ANKH: variants seen among roughly 807,000 people sequenced by gnomAD.
ANKH encodes ANKH inorganic pyrophosphate transport regulator.
A neutral mutation model predicts 49.0 loss-of-function variants in ANKH; 15 were observed. The observed-to-expected ratio is 0.31, with a 90% CI of 0.20 to 0.47. ANKH has a LOEUF of 0.47. Among genes scored for constraint, ANKH ranks in the 20% least tolerant of loss-of-function variants. The pLI is 1.00. For synonymous variants in ANKH, 273 were observed against 260.0 expected (o/e 1.05, Z -0.48); for missense variants, 429 against 652.0 (o/e 0.66, Z 3.72).
intron 1 of ANKH, 109 bp from the exon 2 acceptor site, chr5:14,769,300 G>T: frequency 1.1e-6 from 1 of 891,930 alleles, no homozygotes; most frequent in Admixed American, 2.0e-5. Flanking sequence ...GAAACACTAA[G>T]TAGCTTATAG....
rs1735839056 is a variant in ANKH, at chr5:14,871,752, T to A, written c.-305A>T. Reference sequence around the variant, plus strand: ...CGGCGGCGGCGGCAGAAGGTTCTGCTGACAGCGGCTCCATTATAAGCGCTC... The same window carrying A: ...CGGCGGCGGCGGCAGAAGGTTCTGCAGACAGCGGCTCCATTATAAGCGCTC... On this transcript the variant is annotated 5_prime_UTR_variant, in exon 1 of 12. Coordinates refer to ENST00000284268, the MANE Select transcript of ANKH (RefSeq NM_054027.6). The A allele has an allele frequency of 6.8e-6, 1 of 147,810 alleles. No homozygotes were observed. Among genetic ancestry groups the A allele is most frequent in the Non-Finnish European group, 1.4e-5 (1 of 70,164 alleles). 9.2% of individuals were successfully genotyped at this position (147,810 alleles called of 1,614,324 possible).
chr5:14,764,074 C>A (rs867116708), intron 2 of ANKH, among the ~76,000 whole-genome samples: 3,317 of 52,866 alleles, frequency 0.063, 143 homozygotes, highest in African/African-American at 0.21. Context: ...GGTGACAGAA[C>A]GGAAAATAAA....
intron 1 of ANKH, among the ~76,000 whole-genome samples, chr5:14,854,969 G>A (rs1186973399): frequency 6.6e-6 from 1 of 152,082 alleles, no homozygotes; most frequent in Non-Finnish European, 1.5e-5. Flanking sequence ...TACTAAGAAA[G>A]CTCTCCAATG....
rs899760744 is a variant in ANKH, at chr5:14,725,809, GA to G, written c.1012-8975del. The stretch of plus-strand genomic sequence containing the variant: ...TTGCCAGGCTGGAGTGCAGTGGCAC[GA>G]TCTTGGCTCACTGCAATCTCCGCTT... On this transcript the variant is annotated intron_variant, in intron 8 of 11. Coordinates refer to ENST00000284268, the MANE Select transcript of ANKH (RefSeq NM_054027.6). This position sits in a 1 kb window ranked among gnomAD's most constrained non-coding sequence, Gnocchi z 4.0. Among the ~76,000 whole-genome samples, 17 of 152,270 alleles carry G rather than the reference GA, an allele frequency of 1.1e-4. 1 individual carries two copies. Among genetic ancestry groups the G allele is most frequent in the Admixed American group, 1.0e-3 (16 of 15,294 alleles).
intron 1 of ANKH, among the ~76,000 whole-genome samples, chr5:14,802,286 T>C (rs909705031): frequency 1.3e-5 from 2 of 152,054 alleles, no homozygotes; most frequent in Admixed American, 1.3e-4. Context: ...GCATTATCTC[T>C]GATGCTTCTC....
intron 1 of ANKH, among the ~76,000 whole-genome samples, chr5:14,777,019 C>T (rs534377885): frequency 2.7e-4 from 41 of 152,294 alleles, no homozygotes; most frequent in African/African-American, 8.7e-4. Flanking sequence ...CAGTGGCTCA[C>T]GCCTGTAATC....
rs153934 is a variant in ANKH at position 14,725,642 on chromosome 5, T to C, written c.1012-8807A>G. Reference sequence around the variant, plus strand: ...CTGGGACCGTATTCTAACAAAACGCTAGCAGGGGAGTCCTCTGGAGGTGGT... The same window carrying C: ...CTGGGACCGTATTCTAACAAAACGCCAGCAGGGGAGTCCTCTGGAGGTGGT... On this transcript the variant is annotated intron_variant, in intron 8 of 11. Coordinates refer to ENST00000284268, the MANE Select transcript of ANKH (RefSeq NM_054027.6). The surrounding 1 kb of genome is among the most constrained non-coding windows in gnomAD (Gnocchi z 4.0). 0.093 allele frequency among the ~76,000 whole-genome samples: 14,183 copies of C among 152,292 alleles called. 1,120 individuals carry two copies. The highest frequency in any genetic ancestry group is 0.21 in the African/African-American group (8,784 of 41,550).
At chr5:14,784,915 G>T (rs1173833864) in intron 1 of ANKH, among the ~76,000 whole-genome samples, 1 of 46,198 alleles carries the variant, frequency 2.2e-5, no homozygotes, top group Non-Finnish European at 5.0e-5. Context: ...TCTGGACAGA[G>T]GAATATTTGA....
At chr5:14,810,576 T>C (rs1384065857) in intron 1 of ANKH, among the ~76,000 whole-genome samples, 2 of 152,228 alleles carry the variant, frequency 1.3e-5, no homozygotes, top group African/African-American at 4.8e-5. Context: ...GAGTTTAAAG[T>C]ACCCAAGTGA....
intron 8 of ANKH, among the ~76,000 whole-genome samples, chr5:14,739,620 C>G (rs545964691): frequency 6.6e-6 from 1 of 152,270 alleles, no homozygotes; most frequent in South Asian, 2.1e-4. Flanking sequence ...GGCAAGCGCC[C>G]CAATCTGGAG....
intron 1 of ANKH, among the ~76,000 whole-genome samples, chr5:14,805,340 C>G (rs193122519): frequency 1.3e-5 from 2 of 149,998 alleles, no homozygotes; most frequent in Non-Finnish European, 3.0e-5. Flanking sequence ...ACTTTGTGAT[C>G]GTGTAAGTTA....
intron 6 of ANKH, 51 bp downstream of exon 6, chr5:14,749,121 C>A (rs542764459): frequency 1.3e-4 from 210 of 1,613,196 alleles, no homozygotes; most frequent in East Asian, 3.6e-4. Context: ...TCAGCACCCC[C>A]CTGCCCCACC....
chr5:14,792,562 C>A (rs1401117987), intron 1 of ANKH, among the ~76,000 whole-genome samples: 1 of 152,140 alleles, frequency 6.6e-6, no homozygotes, highest in Non-Finnish European at 1.5e-5. Flanking sequence ...GGCTGATGAA[C>A]ACTGATGAAA....
At chr5:14,866,066 GTGCGGTCTCAGCTCAC>G (rs1735635182) in intron 1 of ANKH, among the ~76,000 whole-genome samples, 1 of 152,230 alleles carries the variant, frequency 6.6e-6, no homozygotes, top group African/African-American at 2.4e-5. Context: ...GAGGTATTCA[GTGCGGTCTCAGCTCAC>G]TGCAACCTCC....
At chr5:14,793,059 AAATATATATAAATATAT>A (rs1740248704) in intron 1 of ANKH, among the ~76,000 whole-genome samples, 1 of 26,874 alleles carries the variant, frequency 3.7e-5, no homozygotes, top group African/African-American at 1.1e-4. Context: ...AATATATATA[AAATATATATAAATATAT>A]AAAAATATAT....
intron 1 of ANKH, among the ~76,000 whole-genome samples, chr5:14,858,758 TAAAATA>T (rs869202098): frequency 3.8e-4 from 27 of 71,386 alleles, no homozygotes; most frequent in African/African-American, 1.6e-3. Flanking sequence ...AATAAATAAA[TAAAATA>T]AAATAAAATA....
chr5:14,831,750 C>G (rs1028001102), intron 1 of ANKH, among the ~76,000 whole-genome samples: 1 of 152,202 alleles, frequency 6.6e-6, no homozygotes, highest in African/African-American at 2.4e-5. Flanking sequence ...TTTTGAAACA[C>G]TTGCTCAACT....
chr5:14,758,399 T>C (rs1249556139), intron 3 of ANKH, 81 bp downstream of exon 3: 8 of 1,114,592 alleles, frequency 7.2e-6, no homozygotes, highest in Non-Finnish European at 1.1e-5. Context: ...CAAAAATAGC[T>C]AAAATGGTAG....
chr5:14,807,881 A>C (rs1313435831), intron 1 of ANKH, among the ~76,000 whole-genome samples: 1 of 152,200 alleles, frequency 6.6e-6, no homozygotes, highest in Non-Finnish European at 1.5e-5. Flanking sequence ...TTCATTTAAG[A>C]TCAATTTCAG....
Sources: gnomAD v4.1 joint callset for allele counts (sites outside exome capture counted in the v4.1 genomes callset) on GRCh38, gnomAD v4.1.1 for gene constraint, Gnocchi (gnomAD v3.1) non-coding constraint, MANE v1.5 for transcripts, NCBI Gene and HGNC (gene_info 2026-07-23, HGNC 2026-07-21) for gene names.